Variants in PSIP1 observed in about 807,000 individuals in gnomAD.
PSIP1 encodes the protein PC4 and SRSF1 interacting protein 1.
A neutral mutation model predicts 74.7 loss-of-function variants in PSIP1; 19 were observed. The ratio of observed to expected loss-of-function variants is 0.25; its 90% CI spans 0.18 to 0.37. PSIP1 has a LOEUF of 0.37. Ranked by LOEUF, PSIP1 falls within the 10% of genes least tolerant of loss-of-function variation. PSIP1 has a pLI of 1.00. For synonymous variants in PSIP1, 222 were observed against 195.3 expected (o/e 1.14, Z -1.14); for missense variants, 601 against 614.3 (o/e 0.98, Z 0.23).
intron 15 of PSIP1, chr9:15,465,910 C>G: frequency 9.0e-6 from 2 of 222,042 alleles, no homozygotes; most frequent in Non-Finnish European, 1.7e-5. Flanking sequence ...ATCTGTGATA[C>G]CAACATATTT....
chr9:15,503,358 T>C (rs1013863041), intron 3 of PSIP1, among the ~76,000 whole-genome samples: 2 of 148,258 alleles, frequency 1.3e-5, no homozygotes, highest in Non-Finnish European at 3.0e-5. Flanking sequence ...CAGAGGAGAC[T>C]CCATCACAAA....
intron 3 of PSIP1, among the ~76,000 whole-genome samples, chr9:15,496,280 A>G (rs1000698357): frequency 1.3e-5 from 2 of 152,236 alleles, no homozygotes; most frequent in Admixed American, 6.5e-5. Context: ...TTGTGCCTAC[A>G]GGAACTATGT....
chr9:15,486,066 A>G lies in PSIP1; in HGVS notation c.396T>C (p.Asp132=). 6.3e-7 allele frequency: 1 copy of G among 1,597,680 alleles called. No individual in the cohort carries two copies. The highest frequency in any genetic ancestry group is 2.2e-5 in the East Asian group (1 of 44,690). ...TDHEEKASNE[D]VTKAVDITTP... ...TAGTTATGTCAACTGCTTTAGTCAC[A>G]TCCTAAAAAAGAAAAAAGAAAACTG... The change falls in exon 6 of 16, where the codon GAT becomes GAC. Residue 132 remains aspartate (D), a splice_region_variant and synonymous_variant. Transcript: ENST00000380733.
rs185856142 is a variant in PSIP1, at chr9:15,500,093, T to C, written c.149+6468A>G. Among the ~76,000 whole-genome samples the C allele has an allele frequency of 8.0e-4, 122 of 152,288 alleles. 1 individual carries two copies. Among genetic ancestry groups the C allele is most frequent in the Non-Finnish European group, 6.9e-4 (47 of 68,024 alleles). On this transcript the variant is annotated intron_variant, in intron 3 of 15. Transcript: ENST00000380733. ...AAATATTTTATATTTTATAATAGCATGTATTAGTCTATAACAGAAAAATTA... is the reference window on the plus strand; with the variant it reads ...AAATATTTTATATTTTATAATAGCACGTATTAGTCTATAACAGAAAAATTA...
chr9:15,490,259 C>T (rs1013811588), intron 3 of PSIP1, 135 bp from the exon 4 acceptor site: 13 of 756,654 alleles, frequency 1.7e-5, no homozygotes, highest in African/African-American at 5.5e-5. Flanking sequence ...AGTTAAAGGG[C>T]AATTAATAAT....
rs776512249 is a variant in PSIP1, at chr9:15,468,644, T to C, written c.1406A>G (p.Glu469Gly). Residue 469 changes from glutamate (E) to glycine (G), a missense_variant, in exon 14 of 16, where the codon GAG (glutamate) becomes GGG (glycine). Physicochemically the swap from Glu to Gly is moderately conservative, Grantham distance 98. Coordinates refer to ENST00000380733, the MANE Select transcript of PSIP1 (RefSeq NM_033222.5). Reference protein sequence around the residue: ...QGKKGPNKKLEKEQTGSKTLN... With the variant: ...QGKKGPNKKLGKEQTGSKTLN... ...TTACCACATACCTGTTTGTTCCTTC[T>C]CTAGCTTTTTGTTTGGCCCTTTCTT... 6.2e-7 allele frequency: 1 copy of C among 1,614,066 alleles called. No individual in the cohort carries two copies. Among genetic ancestry groups the C allele is most frequent in the Admixed American group, 1.7e-5 (1 of 60,026 alleles).
rs764972297 is a variant in PSIP1 at position 15,486,022 on chromosome 9, C to A, written c.440G>T (p.Arg147Met). ...TGAAATTACCTTTCTCTTTCTCCCC[C>A]TTCTGGCAGCTTTTGGAGTAGTTAT... ...VDITTPKAAR[R>M]GRKRKAEKQV... Residue 147 changes from arginine (R) to methionine (M), a missense_variant, in exon 6 of 16, where the codon AGG (arginine) becomes ATG (methionine). This residue lies in a region of PSIP1 where 538 missense variants were observed against 507.6 expected (regional missense o/e 1.06). Coordinates refer to ENST00000380733, the MANE Select transcript of PSIP1 (RefSeq NM_033222.5). 1 of 1,609,584 alleles carries A rather than the reference C, an allele frequency of 6.2e-7. No homozygotes were observed. Among genetic ancestry groups the A allele is most frequent in the Non-Finnish European group, 8.5e-7 (1 of 1,176,642 alleles).
chr9:15,475,010 C>T (rs1476376397), intron 8 of PSIP1, among the ~76,000 whole-genome samples: 1 of 152,132 alleles, frequency 6.6e-6, no homozygotes, highest in Non-Finnish European at 1.5e-5. Flanking sequence ...TCAACCCCTT[C>T]CATTTGACAA....
In PSIP1 at chr9:15,489,974, A is replaced by G; in HGVS notation, c.288+12T>C. The G allele has an allele frequency of 6.5e-7, 1 of 1,540,796 alleles. No individual in the cohort carries two copies. The highest frequency in any genetic ancestry group is 2.0e-5 in the Admixed American group (1 of 49,380). Reference sequence around the variant, plus strand: ...AAATAAGTAATATCAAATTTTATGTAATATGACTTACCTGTTGACTTGAAA... The same window carrying G: ...AAATAAGTAATATCAAATTTTATGTGATATGACTTACCTGTTGACTTGAAA... On this transcript the variant is annotated intron_variant, in intron 4 of 15. Transcript: ENST00000380733.
intron 3 of PSIP1, among the ~76,000 whole-genome samples, chr9:15,493,864 G>A (rs1267820412): frequency 2.0e-5 from 3 of 152,122 alleles, no homozygotes; most frequent in Non-Finnish European, 4.4e-5. Context: ...TACAATTCGA[G>A]GTGTAATTTG....
At chr9:15,474,899 TG>T (rs1185365660) in intron 8 of PSIP1, among the ~76,000 whole-genome samples, 1 of 152,204 alleles carries the variant, frequency 6.6e-6, no homozygotes, top group Non-Finnish European at 1.5e-5. Context: ...GTTTAAAAAC[TG>T]TAACCTTTTA....
At chr9:15,470,467 G>C (rs1330464225) in intron 10 of PSIP1, among the ~76,000 whole-genome samples, 1 of 151,994 alleles carries the variant, frequency 6.6e-6, no homozygotes, top group Non-Finnish European at 1.5e-5. Flanking sequence ...AAACTTGAAT[G>C]ACGTCCAGTA....
rs566580652 is a variant in PSIP1, at chr9:15,486,958, C to A, written c.289-27G>T. ...TGTGAGCAATCAACTCTATTAATTT[C>A]AAAAAATAAGTTTTTATCCCAATAA... On this transcript the variant is annotated intron_variant, in intron 4 of 15. Coordinates refer to ENST00000380733, the MANE Select transcript of PSIP1 (RefSeq NM_033222.5). 374 of 1,458,522 alleles carry A rather than the reference C, an allele frequency of 2.6e-4. 2 individuals carry two copies. The African/African-American group carries it at 4.6e-3, about 18-fold the overall frequency. The allele number at this position is 1,458,522 out of a possible 1,614,324, so 90.3% of individuals were successfully genotyped here. A position where few individuals can be genotyped will look rare whatever the true frequency, so the allele number is the denominator to read the frequency against.
chr9:15,474,376 G>T (rs745345594), intron 8 of PSIP1, 139 bp from the exon 9 acceptor site: 2 of 675,960 alleles, frequency 3.0e-6, no homozygotes, highest in Non-Finnish European at 4.6e-6. Flanking sequence ...ATCATAAAAG[G>T]AATTCTGTCA....
At chr9:15,490,924 A>G (rs1191040594) in intron 3 of PSIP1, among the ~76,000 whole-genome samples, 1 of 152,182 alleles carries the variant, frequency 6.6e-6, no homozygotes, top group African/African-American at 2.4e-5. Context: ...CCATTCATTC[A>G]TATATGTACT....
At chr9:15,502,838 T>C (rs1171163732) in intron 3 of PSIP1, among the ~76,000 whole-genome samples, 1 of 152,212 alleles carries the variant, frequency 6.6e-6, no homozygotes, top group Non-Finnish European at 1.5e-5. Context: ...TGGTCACAGT[T>C]AGGGCTCACT....
At chr9:15,507,573 G>A (rs1054904604) in intron 2 of PSIP1, among the ~76,000 whole-genome samples, 3 of 152,052 alleles carry the variant, frequency 2.0e-5, no homozygotes, top group Non-Finnish European at 4.4e-5. Flanking sequence ...GGGCAACAGA[G>A]GTTGCAGTGA....
chr9:15,510,881 A>AGCCACCTGC lies in PSIP1; in HGVS notation c.-215_-207dup, dbSNP rs2037840517. On this transcript the variant is annotated 5_prime_UTR_variant, in exon 1 of 16. Transcript: ENST00000380733. ...GGTCGCCTCTACCCGCGTCCACGCA[A>AGCCACCTGC]GCCACCTGCGCCACCAGCTGCCGCA... 6.6e-6 allele frequency: 1 copy of AGCCACCTGC among 152,292 alleles called. No individual in the cohort carries two copies. Among genetic ancestry groups the AGCCACCTGC allele is most frequent in the African/African-American group, 2.4e-5 (1 of 41,430 alleles). 9.4% of individuals were successfully genotyped at this position (152,292 alleles called of 1,614,324 possible).
At chr9:15,491,622 A>G (rs892956599) in intron 3 of PSIP1, among the ~76,000 whole-genome samples, 1 of 152,248 alleles carries the variant, frequency 6.6e-6, no homozygotes, top group Admixed American at 6.5e-5. Flanking sequence ...CTGTAAATCT[A>G]AAATATCTGA....
Sources: allele counts gnomAD v4.1 joint callset (sites outside exome capture counted in the v4.1 genomes callset), GRCh38; gene constraint gnomAD v4.1.1; regional missense constraint gnomAD v4.1.1; transcripts MANE v1.5; gene names NCBI Gene and HGNC (gene_info 2026-07-23, HGNC 2026-07-21).